Variants in CDH22 observed in about 807,000 individuals in gnomAD.
CDH22 encodes cadherin 22.
Under a neutral mutation model 58.4 loss-of-function variants are expected in CDH22, and 30 were observed. That is an observed-to-expected ratio of 0.51 (90% CI 0.38 to 0.70). The LOEUF is 0.70. Among genes scored for constraint, CDH22 ranks in the 30% least tolerant of loss-of-function variants. CDH22 has a pLI of 0.00. For missense variants in CDH22, 1,014 were observed against 1,233.9 expected (o/e 0.82, Z 2.67); for synonymous variants, 513 against 558.2 (o/e 0.92, Z 1.14).
intron 10 of CDH22, among the ~76,000 whole-genome samples, chr20:46,181,744 C>CT (rs1555800208): frequency 8.8e-4 from 27 of 30,756 alleles, no homozygotes; most frequent in Non-Finnish European, 1.7e-3. Context: ...TCCTTCCTTC[C>CT]TTCCTTCCTT....
At chr20:46,297,519 G>T (rs2086634009) in intron 1 of CDH22, among the ~76,000 whole-genome samples, 1 of 151,886 alleles carries the variant, frequency 6.6e-6, no homozygotes, top group Non-Finnish European at 1.5e-5. Flanking sequence ...TCTTGAGAGA[G>T]GACCAGGCCT....
chr20:46,263,165 G>A (rs950822872), intron 1 of CDH22, among the ~76,000 whole-genome samples: 2 of 152,196 alleles, frequency 1.3e-5, no homozygotes, highest in Non-Finnish European at 2.9e-5. Flanking sequence ...ATCAGAGTTT[G>A]CACTACTGAA....
intron 3 of CDH22, among the ~76,000 whole-genome samples, chr20:46,233,648 C>T (rs908272554): frequency 2.6e-5 from 4 of 152,186 alleles, no homozygotes; most frequent in Non-Finnish European, 5.9e-5. Flanking sequence ...ACAGAGAGTG[C>T]TCATATTTGT....
At chr20:46,205,485 T>C (rs2425776) in intron 7 of CDH22, among the ~76,000 whole-genome samples, 89,476 of 152,030 alleles carry the variant, frequency 0.59, 26,598 homozygotes, top group Non-Finnish European at 0.62. Flanking sequence ...TCCTCTGATT[T>C]CAAAGCCCTT....
At chr20:46,307,166 C>T (rs2086681573) in intron 1 of CDH22, among the ~76,000 whole-genome samples, 1 of 152,230 alleles carries the variant, frequency 6.6e-6, no homozygotes, top group Non-Finnish European at 1.5e-5. Flanking sequence ...AGAAGAGGTT[C>T]CAAGGAGCGA....
At chr20:46,195,670 C>T (rs902769590) in intron 8 of CDH22, among the ~76,000 whole-genome samples, 57 of 151,158 alleles carry the variant, frequency 3.8e-4, no homozygotes, top group Non-Finnish European at 6.3e-4. Context: ...CCCTTTCCAC[C>T]GAAGGATTCA....
At chr20:46,179,286 G>A (rs1032835215) in intron 10 of CDH22, among the ~76,000 whole-genome samples, 25 of 152,150 alleles carry the variant, frequency 1.6e-4, no homozygotes, top group Non-Finnish European at 2.4e-4. Context: ...CCTTCTCCCC[G>A]CGGTCTTCAG....
In CDH22 at chr20:46,260,549, T is replaced by A. The variant is rs1463026754; in HGVS notation, c.-399-8856A>T. ...CACACACATACCTGGCAGAGCTAAGTACAGAACTGGGGCCTGGGAGGGACT... is the reference window on the plus strand; with the variant it reads ...CACACACATACCTGGCAGAGCTAAGAACAGAACTGGGGCCTGGGAGGGACT... On this transcript the variant is annotated intron_variant, in intron 1 of 11. Transcript: ENST00000537909. Among the ~76,000 whole-genome samples, 3 of 152,168 alleles carry A rather than the reference T, an allele frequency of 2.0e-5. No homozygotes were observed. In the East Asian group the frequency reaches 5.8e-4, roughly 29 times the overall value.
chr20:46,257,549 C>T (rs979978571), intron 1 of CDH22, among the ~76,000 whole-genome samples: 2 of 152,190 alleles, frequency 1.3e-5, no homozygotes, highest in South Asian at 2.1e-4. Context: ...GCAATGATGG[C>T]GTTTCCTTTC....
chr20:46,271,300 C>G (rs2086487465), intron 1 of CDH22, among the ~76,000 whole-genome samples: 1 of 152,204 alleles, frequency 6.6e-6, no homozygotes. Flanking sequence ...CTCCTCTTTT[C>G]TGAGCCTATG....
chr20:46,287,559 GC>G (rs1423979135), intron 1 of CDH22, among the ~76,000 whole-genome samples: 1 of 152,002 alleles, frequency 6.6e-6, no homozygotes. Flanking sequence ...ATTTTGCCAA[GC>G]TGAGAACCTG....
At chr20:46,296,918 C>A (rs1259807043) in intron 1 of CDH22, among the ~76,000 whole-genome samples, 2 of 152,218 alleles carry the variant, frequency 1.3e-5, no homozygotes, top group Non-Finnish European at 2.9e-5. Flanking sequence ...AGCTGCAGGT[C>A]TCCACCCCCA....
intron 1 of CDH22, among the ~76,000 whole-genome samples, chr20:46,254,477 C>A (rs181608652): frequency 6.6e-6 from 1 of 151,012 alleles, no homozygotes; most frequent in East Asian, 1.9e-4. Flanking sequence ...ATCACTTGAA[C>A]CTGGGAGGTG....
intron 4 of CDH22, 26 bp downstream of exon 4, chr20:46,227,482 G>T: frequency 3.9e-6 from 2 of 514,992 alleles, no homozygotes; most frequent in Non-Finnish European, 7.0e-6. Context: ...CCACGGCTCC[G>T]CCTCTGGCCC....
In CDH22 at chr20:46,174,377, C is replaced by T. The variant is rs1334264819; in HGVS notation, c.*129G>A. On this transcript the variant is annotated 3_prime_UTR_variant, in exon 12 of 12. Coordinates refer to ENST00000537909, the MANE Select transcript of CDH22 (RefSeq NM_021248.3). This position sits in a 1 kb window ranked among gnomAD's most constrained non-coding sequence, Gnocchi z 4.4. ...AGAGTCCGCTCCTAGCAAGTCCCCCCTCCGTCCAGCCGCCAAGGGAGGGTT... is the reference window on the plus strand; with the variant it reads ...AGAGTCCGCTCCTAGCAAGTCCCCCTTCCGTCCAGCCGCCAAGGGAGGGTT... The T allele has an allele frequency of 1.6e-6, 1 of 639,762 alleles. No individual in the cohort carries two copies. The highest frequency in any genetic ancestry group is 2.5e-6 in the Non-Finnish European group (1 of 399,454). 39.6% of individuals were successfully genotyped at this position (639,762 alleles called of 1,614,324 possible).
chr20:46,198,287 GACACAC>G (rs368091518), intron 8 of CDH22, among the ~76,000 whole-genome samples: 2,548 of 128,678 alleles, frequency 0.02, 67 homozygotes, highest in African/African-American at 0.066. Flanking sequence ...GCACCAAAAA[GACACAC>G]ACACACACAC....
intron 1 of CDH22, among the ~76,000 whole-genome samples, chr20:46,266,025 C>G (rs1486734773): frequency 1.3e-5 from 2 of 150,358 alleles, no homozygotes; most frequent in Admixed American, 6.6e-5. Context: ...GATGCCCCCT[C>G]TGGGTCTCTC....
rs1340387198 is a variant in CDH22, at chr20:46,177,999, G to A, written c.1862C>T (p.Ser621Phe). ...GGCGATGAGGGCGCCGGGGCTGAGGGAGGCGGCCATGACAAAGGCCGTGGT... is the reference window on the plus strand; with the variant it reads ...GGCGATGAGGGCGCCGGGGCTGAGGAAGGCGGCCATGACAAAGGCCGTGGT... ...CNTTAFVMAA[S>F]LSPGALIALL... The change falls in exon 11 of 12, where the codon TCC (serine) becomes TTC (phenylalanine). Residue 621 changes from serine to phenylalanine, a missense_variant. Ser to Phe is a radical substitution (Grantham distance 155). Around this residue, in one of 2 missense-constraint regions of CDH22, gnomAD observed 806 missense variants for 1,038.7 expected, o/e 0.78. Coordinates refer to ENST00000537909, the MANE Select transcript of CDH22 (RefSeq NM_021248.3). 6.2e-7 allele frequency: 1 copy of A among 1,614,096 alleles called. No individual in the cohort carries two copies. The highest frequency in any genetic ancestry group is 8.5e-7 in the Non-Finnish European group (1 of 1,180,014).
Position 46,186,690 on chromosome 20 carries a change from T to C in CDH22, c.1561A>G (p.Ser521Gly). The C allele has an allele frequency of 6.2e-7, 1 of 1,613,792 alleles. No individual in the cohort carries two copies. Among genetic ancestry groups the C allele is most frequent in the Non-Finnish European group, 8.5e-7 (1 of 1,179,918 alleles). ...TGGGGCTCGTCTCTGTCCACCACGC[T>C]GATGGTCTGGATGAGCTGAAGGGTG... is the stretch of plus-strand genomic sequence containing the variant. ...AKPGQLIQTISVVDRDEPQGG... is the reference protein window; with the variant it reads ...AKPGQLIQTIGVVDRDEPQGG... The change falls in exon 10 of 12, where the codon AGC (serine) becomes GGC (glycine). Residue 521 changes from serine to glycine, a missense_variant. Around this residue, in one of 2 missense-constraint regions of CDH22, gnomAD observed 806 missense variants for 1,038.7 expected, o/e 0.78. Coordinates refer to ENST00000537909, the MANE Select transcript of CDH22 (RefSeq NM_021248.3).
Sources: gnomAD v4.1 joint callset for allele counts (sites outside exome capture counted in the v4.1 genomes callset) on GRCh38, gnomAD v4.1.1 for gene constraint, gnomAD v4.1.1 regional missense constraint, Gnocchi (gnomAD v3.1) non-coding constraint, MANE v1.5 for transcripts, NCBI Gene and HGNC (gene_info 2026-07-23, HGNC 2026-07-21) for gene names.